KDM4B: variants seen among roughly 807,000 people sequenced by gnomAD.
KDM4B encodes the protein lysine-specific demethylase 4B.
In KDM4B, 32 loss-of-function variants were observed where a neutral mutation model predicts 125.2. The observed-to-expected ratio is 0.26, with a 90% CI of 0.19 to 0.34. KDM4B has a LOEUF of 0.34. Ranked by LOEUF, KDM4B falls within the 10% of genes least tolerant of loss-of-function variation. The pLI is 1.00. For synonymous variants in KDM4B, 721 were observed against 677.9 expected (o/e 1.06, Z -0.99); for missense variants, 1,190 against 1,577.7 (o/e 0.75, Z 4.16).
intron 2 of KDM4B, among the ~76,000 whole-genome samples, chr19:5,016,893 G>A (rs1052826899): frequency 9.2e-5 from 14 of 152,208 alleles, no homozygotes; most frequent in Admixed American, 5.9e-4. Flanking sequence ...AGCCCAGGGG[G>A]ACCACTCAGG....
intron 13 of KDM4B, 150 bp downstream of exon 13, chr19:5,132,157 C>A: frequency 9.8e-7 from 1 of 1,017,974 alleles, no homozygotes; most frequent in Non-Finnish European, 1.4e-6. Flanking sequence ...TCTGCCGTAG[C>A]GACAGGCTGT....
chr19:4,984,680 C>T lies in KDM4B; in HGVS notation c.-109+15450C>T, dbSNP rs76352025. Among the ~76,000 whole-genome samples the T allele has an allele frequency of 8.3e-4, 127 of 152,280 alleles. 4 individuals are homozygous for T. In the East Asian group the frequency reaches 0.022, roughly 26 times the overall value. The stretch of plus-strand genomic sequence containing the variant: ...TGCTGCATGATGCCGCTGGGGCCCT[C>T]GGGAGGGCTTGGGGTGTGTCTGTGG... On this transcript the variant is annotated intron_variant, in intron 1 of 22. Transcript: ENST00000159111.
chr19:5,035,890 C>CGCGT lies in KDM4B; in HGVS notation c.141+2862_141+2863insTGCG, dbSNP rs2036608561. ...GTGTGTGTGTGTGTGTGCGCGCGCG[C>CGCGT]GCGCGCCTGCGCGCACAGGAGACTG... On this transcript the variant is annotated intron_variant, in intron 3 of 22. Transcript: ENST00000159111. The surrounding 1 kb of genome is among the most constrained non-coding windows in gnomAD (Gnocchi z 5.3). 1.6e-5 allele frequency among the ~76,000 whole-genome samples: 2 copies of CGCGT among 128,378 alleles called. No homozygotes were observed. Among genetic ancestry groups the CGCGT allele is most frequent in the Admixed American group, 7.7e-5 (1 of 12,970 alleles). 84.2% of individuals were successfully genotyped at this position (128,378 alleles called of 152,430 possible). A position where few individuals can be genotyped will look rare whatever the true frequency, so the allele number is the denominator to read the frequency against.
intron 8 of KDM4B, chr19:5,080,660 A>C (rs552112162): frequency 6.6e-6 from 1 of 152,376 alleles, no homozygotes; most frequent in South Asian, 2.1e-4. Flanking sequence ...AAACGGAAGC[A>C]TGTACCCTGT....
At chr19:4,998,242 T>C (rs1315153085) in intron 1 of KDM4B, among the ~76,000 whole-genome samples, 2 of 152,214 alleles carry the variant, frequency 1.3e-5, no homozygotes, top group African/African-American at 2.4e-5. Context: ...GCACCTCCCT[T>C]TGTGTGGAAG....
At chr19:5,004,020 G>T (rs896290343) in intron 1 of KDM4B, among the ~76,000 whole-genome samples, 2 of 152,112 alleles carry the variant, frequency 1.3e-5, no homozygotes, top group Non-Finnish European at 2.9e-5. Context: ...GTCCTGTTTC[G>T]TGTTATTTTT....
At chr19:5,003,305 A>G (rs747529795) in intron 1 of KDM4B, among the ~76,000 whole-genome samples, 57 of 152,100 alleles carry the variant, frequency 3.7e-4, no homozygotes, top group Non-Finnish European at 5.1e-4. Context: ...CCTGACTAAC[A>G]TGGAGAAACC....
intron 9 of KDM4B, among the ~76,000 whole-genome samples, chr19:5,092,143 T>G (rs2145920100): frequency 6.6e-6 from 1 of 152,326 alleles, no homozygotes; most frequent in South Asian, 2.1e-4. Flanking sequence ...GCTGCATGTC[T>G]GGAGGGTGAT....
At chr19:5,005,067 C>T (rs193021582) in intron 1 of KDM4B, among the ~76,000 whole-genome samples, 1,607 of 152,304 alleles carry the variant, frequency 0.011, 71 homozygotes, top group Admixed American at 0.019. Flanking sequence ...GCCTGTCCTG[C>T]GGCCGTCACC....
intron 5 of KDM4B, among the ~76,000 whole-genome samples, chr19:5,045,704 A>C (rs2037004504): frequency 6.6e-6 from 1 of 151,876 alleles, no homozygotes; most frequent in Non-Finnish European, 1.5e-5. Context: ...CAATCTCTTG[A>C]CTTCGTGATC....
At chr19:5,099,559 G>A (rs2038892195) in intron 9 of KDM4B, among the ~76,000 whole-genome samples, 1 of 152,254 alleles carries the variant, frequency 6.6e-6, no homozygotes, top group South Asian at 2.1e-4. Context: ...CAACATGGCA[G>A]GTTAGCATCC....
intron 3 of KDM4B, among the ~76,000 whole-genome samples, chr19:5,034,415 C>T (rs551130665): frequency 6.6e-6 from 1 of 152,322 alleles, no homozygotes; most frequent in Admixed American, 6.5e-5. Context: ...AACCAGACGC[C>T]GTGTGAATGA....
intron 1 of KDM4B, among the ~76,000 whole-genome samples, chr19:4,976,230 CAA>C (rs570390566): frequency 6.5e-4 from 74 of 113,436 alleles, no homozygotes; most frequent in Non-Finnish European, 9.7e-4. Context: ...GCCTGGGCGA[CAA>C]GAGGGAAACT....
chr19:5,149,413 C>T (rs1036477359), intron 21 of KDM4B, among the ~76,000 whole-genome samples: 2 of 152,222 alleles, frequency 1.3e-5, no homozygotes, highest in African/African-American at 4.8e-5. Context: ...TCACTACAGC[C>T]TCCACCTCAG....
intron 11 of KDM4B, among the ~76,000 whole-genome samples, chr19:5,128,942 C>T (rs2039497190): frequency 1.3e-5 from 2 of 151,984 alleles, no homozygotes; most frequent in African/African-American, 4.8e-5. Context: ...CAGACAGGAC[C>T]TGGGGGTGTT....
intron 15 of KDM4B, 52 bp from the exon 16 acceptor site, chr19:5,137,210 C>G (rs2039663991): frequency 2.1e-6 from 3 of 1,427,102 alleles, no homozygotes; most frequent in East Asian, 2.5e-5. Context: ...TCACTCGGCT[C>G]CCCAAGTCTC....
chr19:5,114,246 G>A lies in KDM4B; in HGVS notation c.1115+3428G>A. On this transcript the variant is annotated intron_variant, in intron 10 of 22. Transcript: ENST00000159111. This position sits in a 1 kb window ranked among gnomAD's most constrained non-coding sequence, Gnocchi z 5.8. ...GGTACGCGCTCCCTGCAGGACATCT[G>A]TGCACCCGCCTCACCACAGCCTCCC... The A allele has an allele frequency of 3.1e-6, 4 of 1,287,974 alleles. No individual in the cohort carries two copies. The highest frequency in any genetic ancestry group is 4.1e-6 in the Non-Finnish European group (4 of 987,370). 79.8% of individuals were successfully genotyped at this position (1,287,974 alleles called of 1,614,324 possible).
chr19:5,024,011 A>G (rs1415917122), intron 2 of KDM4B, among the ~76,000 whole-genome samples: 1 of 151,950 alleles, frequency 6.6e-6, no homozygotes, highest in Admixed American at 6.6e-5. Context: ...TTGGCCTCCC[A>G]CAGTGCTGGG....
intron 9 of KDM4B, among the ~76,000 whole-genome samples, chr19:5,104,458 C>T (rs892339147): frequency 3.3e-5 from 5 of 151,844 alleles, no homozygotes; most frequent in Non-Finnish European, 5.9e-5. Flanking sequence ...GCCACAATTG[C>T]AGAACCTAAT....
Sources: gnomAD v4.1 joint callset for allele counts (sites outside exome capture counted in the v4.1 genomes callset) on GRCh38, gnomAD v4.1.1 for gene constraint, Gnocchi (gnomAD v3.1) non-coding constraint, MANE v1.5 for transcripts, NCBI Gene and HGNC (gene_info 2026-07-23, HGNC 2026-07-21) for gene names.